AHI1: variants seen among roughly 807,000 people sequenced by gnomAD.
The protein encoded by AHI1 is jouberin.
Under a neutral mutation model 149.3 loss-of-function variants are expected in AHI1, and 123 were observed. The ratio of observed to expected loss-of-function variants is 0.82; its 90% CI spans 0.71 to 0.96. The LOEUF is 0.96. Among genes scored for constraint, AHI1 ranks in the 40% least tolerant of loss-of-function variants. The pLI is 0.00. For missense variants in AHI1, 1,439 were observed against 1,422.7 expected (o/e 1.01, Z -0.18); for synonymous variants, 475 against 459.8 (o/e 1.03, Z -0.42).
rs150724515 is a variant in AHI1, at chr6:135,311,075, G to A, written c.3426+7444C>T. ...GCAGCACTTTGGGAGGCTGAGGCGC[G>A]CAGATCACTTGAGGCTAGGAGTTTG... On this transcript the variant is annotated intron_variant, in intron 26 of 28. Coordinates refer to ENST00000265602, the MANE Select transcript of AHI1 (RefSeq NM_001134831.2). Among the ~76,000 whole-genome samples the A allele has an allele frequency of 4.2e-3, 634 of 152,130 alleles. 8 individuals carry two copies. The highest frequency in any genetic ancestry group is 0.014 in the African/African-American group (596 of 41,526).
chr6:135,437,763 A>G (rs1397095319), intron 15 of AHI1, among the ~76,000 whole-genome samples: 2 of 152,194 alleles, frequency 1.3e-5, no homozygotes, highest in Non-Finnish European at 2.9e-5. Flanking sequence ...CACCCTGAAA[A>G]CTAACAGTAT....
intron 23 of AHI1, among the ~76,000 whole-genome samples, chr6:135,368,343 C>G (rs1192184525): frequency 6.6e-6 from 1 of 152,128 alleles, no homozygotes; most frequent in African/African-American, 2.4e-5. Flanking sequence ...GTGGTGCTTT[C>G]AAGAGAACAT....
intron 19 of AHI1, 108 bp from the exon 20 acceptor site, chr6:135,427,415 G>T: frequency 2.1e-6 from 2 of 938,082 alleles, no homozygotes; most frequent in Non-Finnish European, 3.1e-6. Flanking sequence ...TAGCAATGAT[G>T]CTCACATTAT....
chr6:135,340,540 C>A (rs913525826), intron 24 of AHI1, among the ~76,000 whole-genome samples: 31 of 150,720 alleles, frequency 2.1e-4, no homozygotes, highest in Non-Finnish European at 3.5e-4. Context: ...AAACAGAAGT[C>A]CTTCGGACTG....
chr6:135,301,176 T>C lies in AHI1; in HGVS notation c.3427-618A>G, dbSNP rs143072354. The C allele has an allele frequency of 5.8e-5, 57 of 983,178 alleles. 1 individual carries two copies. The African/African-American group carries it at 7.9e-4, about 14-fold the overall frequency. 60.9% of individuals were successfully genotyped at this position (983,178 alleles called of 1,614,324 possible). On this transcript the variant is annotated intron_variant, in intron 26 of 28. Coordinates refer to ENST00000265602, the MANE Select transcript of AHI1 (RefSeq NM_001134831.2). ...ATACTGTGGGAAATTGAGTTTGATA[T>C]GATATATAATCTATAAATCAACCTA...
At chr6:135,332,613 C>T (rs972929066) in intron 24 of AHI1, among the ~76,000 whole-genome samples, 2 of 152,232 alleles carry the variant, frequency 1.3e-5, no homozygotes, top group Admixed American at 6.5e-5. Context: ...CTTGTTAATT[C>T]ACCTTCCAAG....
At chr6:135,329,906 T>C (rs1788284033) in intron 24 of AHI1, among the ~76,000 whole-genome samples, 1 of 152,136 alleles carries the variant, frequency 6.6e-6, no homozygotes, top group Admixed American at 6.5e-5. Context: ...AAGACTTCAG[T>C]GGAGGAAGTA....
intron 8 of AHI1, 26 bp from the exon 9 acceptor site, chr6:135,457,739 T>C (rs1368249058): frequency 1.9e-6 from 3 of 1,588,806 alleles, no homozygotes; most frequent in South Asian, 1.1e-5. Context: ...AAAAAATCAA[T>C]GTTATAATTA....
chr6:135,309,288 C>T (rs1464014715), intron 26 of AHI1, among the ~76,000 whole-genome samples: 2 of 152,106 alleles, frequency 1.3e-5, no homozygotes, highest in African/African-American at 2.4e-5. Flanking sequence ...ATACCACCCA[C>T]CTTCTTTATG....
At chr6:135,289,030 T>G (rs1368253283) in intron 28 of AHI1, among the ~76,000 whole-genome samples, 1 of 152,036 alleles carries the variant, frequency 6.6e-6, no homozygotes, top group Non-Finnish European at 1.5e-5. Context: ...GTTTTAATTT[T>G]CATTAATTTG....
At chr6:135,488,784 C>T (rs527569434) in intron 5 of AHI1, among the ~76,000 whole-genome samples, 14 of 152,100 alleles carry the variant, frequency 9.2e-5, no homozygotes, top group African/African-American at 3.4e-4. Flanking sequence ...CATAGGACTC[C>T]CTGTTCTTCT....
At chr6:135,463,603 A>G (rs1450548765) in intron 7 of AHI1, among the ~76,000 whole-genome samples, 2 of 152,180 alleles carry the variant, frequency 1.3e-5, no homozygotes, top group Non-Finnish European at 2.9e-5. Flanking sequence ...CTCTCTTTAC[A>G]TAGGACTTAT....
At chr6:135,390,592 G>A (rs7761678) in intron 23 of AHI1, among the ~76,000 whole-genome samples, 4,334 of 152,184 alleles carry the variant, frequency 0.028, 224 homozygotes, top group African/African-American at 0.098. Flanking sequence ...ATGTACCGTC[G>A]TCTAGGAATA....
At chr6:135,300,364 A>G (rs935532836) in intron 27 of AHI1, 136 bp downstream of exon 27, 23 of 1,043,088 alleles carry the variant, frequency 2.2e-5, no homozygotes, top group African/African-American at 3.4e-5. Flanking sequence ...TAAACAAGCT[A>G]AACTCCTTTA....
chr6:135,302,611 C>A, intron 26 of AHI1: 1 of 1,118,932 alleles, frequency 8.9e-7, no homozygotes, highest in Non-Finnish European at 1.1e-6. Flanking sequence ...TATATGAATC[C>A]TAAGTTAGAA....
rs536630216 is a variant in AHI1, at chr6:135,284,304, G to T, written c.*1341C>A. The T allele has an allele frequency of 3.3e-5, 5 of 152,242 alleles. No homozygotes were observed. In the South Asian group the frequency reaches 1.0e-3, roughly 32 times the overall value. 9.4% of individuals were successfully genotyped at this position (152,242 alleles called of 1,614,324 possible). On this transcript the variant is annotated 3_prime_UTR_variant, in exon 29 of 29. Transcript: ENST00000265602. The stretch of plus-strand genomic sequence containing the variant: ...AGAGCCAAATATATTTTTATTAGAA[G>T]ATATTTCACACTGGGTATACATCTG...
At position 135,438,428 on chromosome 6, in the gene AHI1, G is replaced by T; in HGVS notation, c.1983C>A (p.Ser661=). 6.4e-7 allele frequency: 1 copy of T among 1,566,076 alleles called. No homozygotes were observed. The highest frequency in any genetic ancestry group is 8.7e-7 in the Non-Finnish European group (1 of 1,153,348). ...GGATGTAGTGATCATCTTTTGACCAGGAAAGATCATAAATGATATTGAGGT... is the reference window on the plus strand; with the variant it reads ...GGATGTAGTGATCATCTTTTGACCATGAAAGATCATAAATGATATTGAGGT... ...CGHLNIIYDL[S]WSKDDHYILT... The change falls in exon 15 of 29, where the codon TCC becomes TCA. Residue 661 remains serine, a synonymous_variant. Transcript: ENST00000265602.
At chr6:135,359,520 G>A (rs1001642158) in intron 23 of AHI1, among the ~76,000 whole-genome samples, 3 of 152,010 alleles carry the variant, frequency 2.0e-5, no homozygotes, top group African/African-American at 7.3e-5. Flanking sequence ...ACAACATGCA[G>A]GCAAATAAGT....
Position 135,376,807 on chromosome 6 carries a change from G to A in AHI1, c.3109+17969C>T, listed in dbSNP as rs540323394. On this transcript the variant is annotated intron_variant, in intron 23 of 28. Coordinates refer to ENST00000265602, the MANE Select transcript of AHI1 (RefSeq NM_001134831.2). ...TGAGGCAGGAGAATCACCTGAACCC[G>A]GGAGGCAAAGGTTGCAGTGAGCTGA... Among the ~76,000 whole-genome samples the A allele has an allele frequency of 5.7e-5, 8 of 140,090 alleles. No individual in the cohort carries two copies. In the South Asian group the frequency reaches 9.1e-4, roughly 16 times the overall value. 91.9% of individuals were successfully genotyped at this position (140,090 alleles called of 152,430 possible).
Sources: allele counts gnomAD v4.1 joint callset (sites outside exome capture counted in the v4.1 genomes callset), GRCh38; gene constraint gnomAD v4.1.1; transcripts MANE v1.5; gene names NCBI Gene and HGNC (gene_info 2026-07-23, HGNC 2026-07-21).